Variants in IRAK1BP1 observed in about 807,000 individuals in gnomAD.
The protein encoded by IRAK1BP1 is interleukin-1 receptor-associated kinase 1-binding protein 1.
IRAK1BP1 carries 24 observed loss-of-function variants against 28.0 expected under a neutral mutation model. That is an observed-to-expected ratio of 0.86 (90% CI 0.62 to 1.20). IRAK1BP1 has a LOEUF of 1.20. Ranked by LOEUF, IRAK1BP1 falls within the 50% of genes most tolerant of loss-of-function variation. The probability of loss-of-function intolerance (pLI) is 0.00; values close to 1 mark genes in which losing one functional copy is unlikely to be tolerated. For missense variants in IRAK1BP1, 336 were observed against 316.7 expected (o/e 1.06, Z -0.46); for synonymous variants, 131 against 116.3 (o/e 1.13, Z -0.81).
intron 1 of IRAK1BP1, among the ~76,000 whole-genome samples, chr6:78,878,198 A>G (rs1391269079): frequency 6.6e-6 from 1 of 152,186 alleles, no homozygotes. Flanking sequence ...TGCCTCCTCA[A>G]GAGGGTCTCT....
the IRAK1BP1 span, chr6:78,965,625 G>C: frequency 1.3e-6 from 1 of 793,864 alleles, no homozygotes. Context: ...GTAAGTGGTA[G>C]CATGTTAGCA....
the IRAK1BP1 span, among the ~76,000 whole-genome samples, chr6:78,978,206 C>G: frequency 6.6e-6 from 1 of 152,022 alleles, no homozygotes; most frequent in South Asian, 2.1e-4. Context: ...AACACTAACA[C>G]TTTTTGAAAT....
At chr6:78,905,198 A>T (rs1488086706), downstream of IRAK1BP1, among the ~76,000 whole-genome samples, 1 of 152,222 alleles carries the variant, frequency 6.6e-6, no homozygotes. Flanking sequence ...TATTAAATAC[A>T]ACGCTTTAGA....
chr6:78,969,568 T>A, the IRAK1BP1 span, among the ~76,000 whole-genome samples: 1 of 152,170 alleles, frequency 6.6e-6, no homozygotes, highest in Non-Finnish European at 1.5e-5. Context: ...AATATTTTTA[T>A]ACAAAAATTT....
downstream of IRAK1BP1, among the ~76,000 whole-genome samples, chr6:78,949,284 T>C (rs1449191418): frequency 1.3e-5 from 2 of 152,162 alleles, no homozygotes; most frequent in Non-Finnish European, 2.9e-5. Flanking sequence ...TGGGGGGCCT[T>C]ACAGACCTGG....
chr6:78,876,328 C>T (rs1448242056), intron 1 of IRAK1BP1, among the ~76,000 whole-genome samples: 1 of 152,154 alleles, frequency 6.6e-6, no homozygotes, highest in Non-Finnish European at 1.5e-5. Flanking sequence ...AGAGTCAAAC[C>T]TCATTTGTTT....
intron 4 of IRAK1BP1, among the ~76,000 whole-genome samples, chr6:78,931,780 C>T (rs1015030510): frequency 2.0e-5 from 3 of 152,160 alleles, no homozygotes; most frequent in Non-Finnish European, 2.9e-5. Context: ...AATGTTGATG[C>T]CTGCTGACTG....
chr6:78,891,702 T>C (rs1048015998), intron 2 of IRAK1BP1, among the ~76,000 whole-genome samples: 1 of 152,198 alleles, frequency 6.6e-6, no homozygotes, highest in Non-Finnish European at 1.5e-5. Context: ...CCTCAGGCGA[T>C]CCGCCTGCCT....
chr6:78,915,210 G>A (rs1362920864), intron 4 of IRAK1BP1, among the ~76,000 whole-genome samples: 1 of 152,146 alleles, frequency 6.6e-6, no homozygotes. Flanking sequence ...ATGGATCACT[G>A]TATATTACAA....
chr6:78,965,642 A>C, the IRAK1BP1 span: 1 of 942,608 alleles, frequency 1.1e-6, no homozygotes, highest in Non-Finnish European at 1.7e-6. Flanking sequence ...AGCAAATCTT[A>C]AATAATTTCT....
At chr6:78,883,210 A>T (rs544069046) in intron 1 of IRAK1BP1, among the ~76,000 whole-genome samples, 2 of 152,296 alleles carry the variant, frequency 1.3e-5, no homozygotes, top group East Asian at 1.9e-4. Flanking sequence ...ACGGTGAGCC[A>T]TGCTTGTACC....
At chr6:78,951,793 T>C in the IRAK1BP1 span, among the ~76,000 whole-genome samples, 3 of 152,238 alleles carry the variant, frequency 2.0e-5, no homozygotes, top group South Asian at 6.2e-4. Context: ...TAAAAATTCA[T>C]TTGCCTATTG....
At chr6:78,978,601 C>T in the IRAK1BP1 span, 2 of 1,590,336 alleles carry the variant, frequency 1.3e-6, no homozygotes, top group Non-Finnish European at 1.7e-6. Context: ...CCTCATCACC[C>T]ATCTGTGGCA....
chr6:78,947,594 T>C (rs1485465491), downstream of IRAK1BP1: 7 of 1,123,430 alleles, frequency 6.2e-6, no homozygotes, highest in Middle Eastern at 2.1e-4. Context: ...CTTAATCTAG[T>C]CATAAAAGAA....
At chr6:78,885,754 CAAAT>C (rs1375362969) in intron 2 of IRAK1BP1, among the ~76,000 whole-genome samples, 1 of 152,022 alleles carries the variant, frequency 6.6e-6, no homozygotes, top group African/African-American at 2.4e-5. Context: ...AGATAAAAAG[CAAAT>C]AAAGTCATAA....
chr6:78,972,435 G>A, the IRAK1BP1 span, among the ~76,000 whole-genome samples: 5 of 152,274 alleles, frequency 3.3e-5, no homozygotes, highest in East Asian at 9.7e-4. Context: ...GGAAAAAACA[G>A]AACAGAAAAA....
At chr6:78,948,499 AC>A (rs1187050540), downstream of IRAK1BP1, among the ~76,000 whole-genome samples, 3 of 151,822 alleles carry the variant, frequency 2.0e-5, no homozygotes, top group Admixed American at 2.0e-4. Context: ...AGAGTATTGT[AC>A]CCCCCCTTTT....
chr6:78,909,479 A>G (rs1772348244), intron 4 of IRAK1BP1, among the ~76,000 whole-genome samples: 2 of 152,238 alleles, frequency 1.3e-5, no homozygotes, highest in African/African-American at 4.8e-5. Context: ...GAATGAAAAC[A>G]TAATTAAAGA....
chr6:78,954,894 A>G, the IRAK1BP1 span: 1 of 1,587,752 alleles, frequency 6.3e-7, no homozygotes. Context: ...AATTCTTCAC[A>G]CTGTTTCTTC....
Sources: gnomAD v4.1 joint callset for allele counts (sites outside exome capture counted in the v4.1 genomes callset) on GRCh38, gnomAD v4.1.1 for gene constraint, MANE v1.5 for transcripts, NCBI Gene and HGNC (gene_info 2026-07-23, HGNC 2026-07-21) for gene names.